PLXDC2: variants seen among roughly 807,000 people sequenced by gnomAD.
The protein encoded by PLXDC2 is plexin domain containing 2, also known as plexin domain-containing protein 2.
Under a neutral mutation model 68.9 loss-of-function variants are expected in PLXDC2, and 40 were observed. That is an observed-to-expected ratio of 0.58 (90% confidence interval 0.45 to 0.76). The LOEUF (loss-of-function observed/expected upper bound fraction) is 0.76. Ranked by LOEUF, PLXDC2 falls within the 30% of genes least tolerant of loss-of-function variation. PLXDC2 has a pLI of 0.00. For synonymous variants in PLXDC2, 243 were observed against 234.2 expected, an observed-to-expected ratio of 1.04 and a Z score of -0.34; for missense variants, 644 against 661.9, an observed-to-expected ratio of 0.97 and a Z score of 0.30.
At position 20,280,126 on chromosome 10, in the gene PLXDC2, G is replaced by A. The variant is rs758837682; in HGVS notation, c.*307G>A. The A allele has an allele frequency of 2.4e-5, 6 of 253,468 alleles. No individual in the cohort carries two copies. The highest frequency in any genetic ancestry group is 1.0e-4 in the Admixed American group (2 of 19,782). 15.7% of individuals were successfully genotyped at this position (253,468 alleles called of 1,614,324 possible). On this transcript the variant is annotated 3_prime_UTR_variant, in exon 14 of 14. Transcript: ENST00000377252. ...ACAAGATTATAATGCTTTTGGCTTA[G>A]GTGCAGGGTTGCAAAGGGATCAGAA...
At chr10:20,073,316 C>A (rs530393830) in intron 4 of PLXDC2, among the ~76,000 whole-genome samples, 2 of 152,264 alleles carry the variant, frequency 1.3e-5, no homozygotes, top group East Asian at 1.9e-4. Context: ...CACACAGACA[C>A]AAATTTAACA....
chr10:20,259,732 G>A (rs1020782406), intron 13 of PLXDC2, among the ~76,000 whole-genome samples: 3 of 152,216 alleles, frequency 2.0e-5, no homozygotes, highest in Non-Finnish European at 4.4e-5. Context: ...AGCAGAAAGT[G>A]AGAGGGGCAA....
At chr10:20,016,742 A>G (rs1336372971) in intron 2 of PLXDC2, among the ~76,000 whole-genome samples, 3 of 152,122 alleles carry the variant, frequency 2.0e-5, no homozygotes, top group Admixed American at 6.5e-5. Flanking sequence ...ACCTGCACAT[A>G]TTTTCTTCTT....
intron 2 of PLXDC2, among the ~76,000 whole-genome samples, chr10:20,044,166 T>TCCC (rs1835737088): frequency 1.1e-5 from 1 of 90,804 alleles, no homozygotes; most frequent in Non-Finnish European, 2.3e-5. Context: ...TTCCTTCCTC[T>TCCC]TTCTTTCTTT....
rs1836067655 is a variant in PLXDC2, at chr10:20,280,469, C to G, written c.*650C>G. On this transcript the variant is annotated 3_prime_UTR_variant, in exon 14 of 14. Transcript: ENST00000377252. The stretch of plus-strand genomic sequence containing the variant: ...TCCGTACAGGAGGTTCAAACCATGT[C>G]TGCCTCTTCCTTTGTAATGAATGAC... The G allele has an allele frequency of 6.6e-6, 1 of 152,186 alleles. No individual in the cohort carries two copies. Among genetic ancestry groups the G allele is most frequent in the South Asian group, 2.1e-4 (1 of 4,834 alleles). 9.4% of individuals were successfully genotyped at this position (152,186 alleles called of 1,614,324 possible). A position where few individuals can be genotyped will look rare whatever the true frequency, so the allele number is the denominator to read the frequency against.
rs562023340 is a variant in PLXDC2, at chr10:20,036,580, A to AT, written c.325-10280dup. ...AAATTTCCATCTTTTACAAATGGTG[A>AT]TTTTTTTTTAATTATTAGAACATTT... On this transcript the variant is annotated intron_variant, in intron 2 of 13. Coordinates refer to ENST00000377252, the MANE Select transcript of PLXDC2 (RefSeq NM_032812.9). Among the ~76,000 whole-genome samples the AT allele has an allele frequency of 3.6e-3, 541 of 151,830 alleles. 4 individuals are homozygous for AT. Among genetic ancestry groups the AT allele is most frequent in the African/African-American group, 0.011 (466 of 41,392 alleles).
At chr10:19,967,027 G>A (rs1186812683) in intron 1 of PLXDC2, among the ~76,000 whole-genome samples, 3 of 152,182 alleles carry the variant, frequency 2.0e-5, no homozygotes, top group African/African-American at 4.8e-5. Context: ...GCAACCTCAT[G>A]GCGAGACTTG....
intron 2 of PLXDC2, among the ~76,000 whole-genome samples, chr10:20,017,956 C>T (rs1254850847): frequency 6.6e-6 from 1 of 152,202 alleles, no homozygotes; most frequent in Non-Finnish European, 1.5e-5. Flanking sequence ...GGAGAATGCC[C>T]AGCCTAACAG....
At chr10:20,071,968 T>G (rs1172525637) in intron 4 of PLXDC2, among the ~76,000 whole-genome samples, 1 of 152,162 alleles carries the variant, frequency 6.6e-6, no homozygotes, top group African/African-American at 2.4e-5. Context: ...TGGAGGGCTG[T>G]CAACTAAATT....
chr10:20,005,899 G>C (rs1222784351), intron 2 of PLXDC2, among the ~76,000 whole-genome samples: 1 of 152,076 alleles, frequency 6.6e-6, no homozygotes, highest in African/African-American at 2.4e-5. Flanking sequence ...TCTTGAAATG[G>C]TATTTGTGGG....
chr10:20,222,205 A>G (rs1835221675), intron 12 of PLXDC2, among the ~76,000 whole-genome samples: 1 of 152,190 alleles, frequency 6.6e-6, no homozygotes, highest in Admixed American at 6.5e-5. Context: ...TGGTTATTGC[A>G]TTACTTTCTC....
intron 4 of PLXDC2, among the ~76,000 whole-genome samples, chr10:20,079,386 A>C (rs1836511108): frequency 1.3e-5 from 2 of 152,326 alleles, no homozygotes; most frequent in Middle Eastern, 3.4e-3. Flanking sequence ...GAGAAATAGG[A>C]ATGCTTCTAC....
At chr10:19,882,415 G>A (rs748549283) in intron 1 of PLXDC2, among the ~76,000 whole-genome samples, 13 of 152,152 alleles carry the variant, frequency 8.5e-5, no homozygotes, top group Non-Finnish European at 1.6e-4. Context: ...TCAGGAAGCC[G>A]AGGAAATGTT....
chr10:19,830,568 A>G (rs1394319781), intron 1 of PLXDC2, among the ~76,000 whole-genome samples: 1 of 151,910 alleles, frequency 6.6e-6, no homozygotes, highest in African/African-American at 2.4e-5. Context: ...GCACCCTCCC[A>G]TTATTTAGGA....
intron 1 of PLXDC2, among the ~76,000 whole-genome samples, chr10:19,923,538 C>G (rs1833495289): frequency 6.6e-6 from 1 of 151,852 alleles, no homozygotes; most frequent in Non-Finnish European, 1.5e-5. Context: ...TTGATATGGG[C>G]AGAAAAAATT....
intron 1 of PLXDC2, among the ~76,000 whole-genome samples, chr10:19,842,589 A>C (rs1187098289): frequency 6.6e-6 from 1 of 152,144 alleles, no homozygotes; most frequent in Non-Finnish European, 1.5e-5. Flanking sequence ...AGCATAATGA[A>C]CATCTTTATA....
At position 19,883,060 on chromosome 10, in the gene PLXDC2, C is replaced by T. The variant is rs567272763; in HGVS notation, c.112+65869C>T. Among the ~76,000 whole-genome samples, 205 of 151,492 alleles carry T rather than the reference C, an allele frequency of 1.4e-3. 1 individual carries two copies. Among genetic ancestry groups the T allele is most frequent in the African/African-American group, 4.7e-3 (194 of 41,296 alleles). ...CAAGCTCCGCCTCCCGGGTTCACGCCGTTCTCCTGCCTCAGCCTCCCGAGT... is the reference window on the plus strand; with the variant it reads ...CAAGCTCCGCCTCCCGGGTTCACGCTGTTCTCCTGCCTCAGCCTCCCGAGT... On this transcript the variant is annotated intron_variant, in intron 1 of 13. Coordinates refer to ENST00000377252, the MANE Select transcript of PLXDC2 (RefSeq NM_032812.9).
chr10:19,979,553 G>A (rs1044626839), intron 1 of PLXDC2, among the ~76,000 whole-genome samples: 1 of 151,916 alleles, frequency 6.6e-6, no homozygotes, highest in African/African-American at 2.4e-5. Flanking sequence ...TGTATTTTTA[G>A]CCAAGGTGGG....
intron 1 of PLXDC2, among the ~76,000 whole-genome samples, chr10:19,858,708 T>C (rs984923734): frequency 6.6e-6 from 1 of 152,060 alleles, no homozygotes; most frequent in African/African-American, 2.4e-5. Context: ...AGTGAGTATT[T>C]GCATTGTAGA....
Sources: gnomAD v4.1 joint callset for allele counts (sites outside exome capture counted in the v4.1 genomes callset) on GRCh38, gnomAD v4.1.1 for gene constraint, MANE v1.5 for transcripts, NCBI Gene and HGNC (gene_info 2026-07-23, HGNC 2026-07-21) for gene names.